SH3BP5: variants seen among roughly 807,000 people sequenced by gnomAD.
SH3BP5 encodes the protein SH3 domain-binding protein 5.
In SH3BP5, 22 loss-of-function variants were observed where a neutral mutation model predicts 43.3. The ratio of observed to expected loss-of-function variants is 0.51; its 90% CI spans 0.36 to 0.73. The LOEUF (loss-of-function observed/expected upper bound fraction) is 0.73, where lower values mean the gene tolerates loss of function less well. Among genes scored for constraint, SH3BP5 ranks in the 30% least tolerant of loss-of-function variants. The pLI is 0.00. For missense variants in SH3BP5, 529 were observed against 586.9 expected (o/e 0.90, Z 1.02); for synonymous variants, 255 against 225.8 (o/e 1.13, Z -1.16).
At chr3:15,293,955 G>A (rs185645169) in intron 3 of SH3BP5, among the ~76,000 whole-genome samples, 37 of 151,764 alleles carry the variant, frequency 2.4e-4, no homozygotes, top group South Asian at 1.5e-3. Flanking sequence ...GTGTGCACCT[G>A]TAGTCTCAGC....
Position 15,269,808 on chromosome 3 carries a change from C to T in SH3BP5, c.400G>A (p.Glu134Lys). Residue 134 changes from glutamate (E) to lysine (K), a missense_variant, in exon 4 of 9, where the codon GAG becomes AAG. By Grantham distance (56) the Glu-to-Lys change is moderately conservative. This residue lies in a region of SH3BP5 where 85 missense variants were observed against 140.8 expected (regional missense o/e 0.60). Transcript: ENST00000383791. ...RATEVLRAAK[E>K]TISLAEQRLL... ...CGCTGCTCGGCCAGGGAGATGGTCT[C>T]CTTGGCGGCACGGAGCACCTCTGTG... 1.9e-6 allele frequency: 3 copies of T among 1,610,654 alleles called. No individual in the cohort carries two copies. Among genetic ancestry groups the T allele is most frequent in the Non-Finnish European group, 2.5e-6 (3 of 1,177,590 alleles).
intron 2 of SH3BP5, among the ~76,000 whole-genome samples, chr3:15,317,109 A>T (rs1296885510): frequency 6.6e-6 from 1 of 152,258 alleles, no homozygotes; most frequent in Non-Finnish European, 1.5e-5. Flanking sequence ...TCAAAAATTC[A>T]CAATCATTAG....
intron 3 of SH3BP5, among the ~76,000 whole-genome samples, chr3:15,287,549 T>C (rs1245450350): frequency 6.6e-6 from 1 of 152,094 alleles, no homozygotes; most frequent in East Asian, 1.9e-4. Context: ...AGCCTCCACG[T>C]GTGGCTACTG....
At chr3:15,302,407 T>C (rs372125179) in intron 3 of SH3BP5, among the ~76,000 whole-genome samples, 12 of 152,262 alleles carry the variant, frequency 7.9e-5, no homozygotes, top group African/African-American at 1.7e-4. Context: ...CTTTGAAGTA[T>C]ACAGCCCAAT....
At chr3:15,270,833 G>A (rs1215178334) in intron 3 of SH3BP5, among the ~76,000 whole-genome samples, 1 of 149,166 alleles carries the variant, frequency 6.7e-6, no homozygotes, top group African/African-American at 2.5e-5. Context: ...GGCTGAGGCA[G>A]AAGAATCACT....
At chr3:15,265,207 CAT>C (rs1696588999) in intron 4 of SH3BP5, among the ~76,000 whole-genome samples, 1 of 152,126 alleles carries the variant, frequency 6.6e-6, no homozygotes, top group East Asian at 1.9e-4. Context: ...CCCCACTTCT[CAT>C]ATATATACAA....
At chr3:15,306,390 G>C (rs1697906899) in intron 2 of SH3BP5, among the ~76,000 whole-genome samples, 1 of 152,040 alleles carries the variant, frequency 6.6e-6, no homozygotes, top group Admixed American at 6.6e-5. Context: ...GCTGGGCATG[G>C]TGCCGTGTGC....
At chr3:15,337,225 T>C (rs1698712042), upstream of SH3BP5, among the ~76,000 whole-genome samples, 2 of 151,344 alleles carry the variant, frequency 1.3e-5, no homozygotes. Context: ...GCTGGGATTA[T>C]AGGCGCCTGC....
intron 2 of SH3BP5, among the ~76,000 whole-genome samples, chr3:15,306,957 G>A (rs1697927305): frequency 6.6e-6 from 1 of 152,156 alleles, no homozygotes; most frequent in Admixed American, 6.5e-5. Context: ...ACAGGTGTGA[G>A]CCACGGCACC....
rs199501556 is a variant in SH3BP5 at position 15,304,212 on chromosome 3, C to T, written c.221G>A (p.Arg74His). ...CACCGTTGCTTCAACCAGAACAGAGCGGAACTTCTGACGAGCATCCTGCAG... is the reference window on the plus strand; with the variant it reads ...CACCGTTGCTTCAACCAGAACAGAGTGGAACTTCTGACGAGCATCCTGCAG... ...TELEDARQKF[R>H]SVLVEATVKL... The change falls in exon 3 of 9, where the codon CGC becomes CAC. Residue 74 changes from arginine (R) to histidine (H), a missense_variant. Arg to His is a conservative substitution (Grantham distance 29). Coordinates refer to ENST00000383791, the MANE Select transcript of SH3BP5 (RefSeq NM_004844.5). 1.9e-6 allele frequency: 3 copies of T among 1,614,114 alleles called. No homozygotes were observed. Among genetic ancestry groups the T allele is most frequent in the Non-Finnish European group, 2.5e-6 (3 of 1,180,018 alleles).
intron 3 of SH3BP5, among the ~76,000 whole-genome samples, chr3:15,300,320 C>G (rs1697700493): frequency 1.3e-5 from 2 of 152,158 alleles, no homozygotes; most frequent in African/African-American, 4.8e-5. Flanking sequence ...CTAAGGCCAA[C>G]CTCATGAGAT....
In SH3BP5 at chr3:15,328,289, T is replaced by C. The variant is rs559835057; in HGVS notation, c.201+2215A>G. 1.6e-4 allele frequency among the ~76,000 whole-genome samples: 24 copies of C among 151,830 alleles called. 1 individual carries two copies. Among genetic ancestry groups the C allele is most frequent in the Admixed American group, 1.3e-3 (20 of 15,248 alleles). ...ATTCAGAAGTAAGGGCTAAAAAGAG[T>C]TTAACAGATTAACCAATTTCACCCC... On this transcript the variant is annotated intron_variant, in intron 2 of 8. Transcript: ENST00000383791.
In SH3BP5 at chr3:15,296,753, G is replaced by A. The variant is rs145802730; in HGVS notation, c.330+7350C>T. On this transcript the variant is annotated intron_variant, in intron 3 of 8. Transcript: ENST00000383791. ...CTTTCACCCAGACTAGAGCGCAGTG[G>A]TGCGATCACAGCTCCACGCAGCCTT... Among the ~76,000 whole-genome samples the A allele has an allele frequency of 2.7e-3, 390 of 141,850 alleles. 2 individuals carry two copies. The highest frequency in any genetic ancestry group is 0.01 in the African/African-American group (375 of 35,954). 93.1% of individuals were successfully genotyped at this position (141,850 alleles called of 152,430 possible).
intron 1 of SH3BP5, chr3:15,339,911 AAGG>A (rs2124846705): frequency 6.6e-6 from 1 of 152,260 alleles, no homozygotes; most frequent in East Asian, 1.9e-4. Context: ...TTGCTAAAAA[AAGG>A]GGGGAAAAAG....
intron 3 of SH3BP5, among the ~76,000 whole-genome samples, chr3:15,280,255 C>T (rs1241776158): frequency 6.6e-6 from 1 of 152,128 alleles, no homozygotes; most frequent in Non-Finnish European, 1.5e-5. Flanking sequence ...AGGGTGCGCC[C>T]ACATTCCTCC....
chr3:15,287,791 G>T (rs2125089223), intron 3 of SH3BP5, among the ~76,000 whole-genome samples: 1 of 152,264 alleles, frequency 6.6e-6, no homozygotes, highest in South Asian at 2.1e-4. Context: ...CCCTGCAATT[G>T]TGAGTAGTGA....
chr3:15,282,244 C>G (rs1373854912), intron 3 of SH3BP5, among the ~76,000 whole-genome samples: 12 of 152,128 alleles, frequency 7.9e-5, no homozygotes, highest in African/African-American at 2.7e-4. Context: ...AGTTACAGTA[C>G]TGAAAATACA....
intron 2 of SH3BP5, among the ~76,000 whole-genome samples, chr3:15,318,009 C>T (rs1352913027): frequency 6.6e-6 from 1 of 152,142 alleles, no homozygotes; most frequent in South Asian, 2.1e-4. Flanking sequence ...TGGGCTCCAG[C>T]CTCAGATTTC....
intron 3 of SH3BP5, among the ~76,000 whole-genome samples, chr3:15,277,653 T>C (rs992144754): frequency 3.3e-5 from 5 of 152,070 alleles, no homozygotes; most frequent in African/African-American, 1.2e-4. Context: ...GCCAGGAGCA[T>C]GAATGAGATG....
Sources: allele counts gnomAD v4.1 joint callset (sites outside exome capture counted in the v4.1 genomes callset), GRCh38; gene constraint gnomAD v4.1.1; regional missense constraint gnomAD v4.1.1; transcripts MANE v1.5; gene names NCBI Gene and HGNC (gene_info 2026-07-23, HGNC 2026-07-21).